GALNT11: variants seen among roughly 807,000 people sequenced by gnomAD.
The protein encoded by GALNT11 is UDP-GalNAc:polypeptide N-acetylgalactosaminyltransferase 11.
GALNT11 carries 47 observed loss-of-function variants against 72.7 expected under a neutral mutation model. The observed-to-expected ratio is 0.65, with a 90% CI of 0.51 to 0.82. The LOEUF (loss-of-function observed/expected upper bound fraction) is 0.82, where lower values mean the gene tolerates loss of function less well. GALNT11 is among the 40% of genes least tolerant of loss of function. The pLI is 0.00. For missense variants in GALNT11, 677 were observed against 778.4 expected, an observed-to-expected ratio of 0.87 and a Z score of 1.55; for synonymous variants, 270 against 286.6, an observed-to-expected ratio of 0.94 and a Z score of 0.58.
intron 9 of GALNT11, chr7:152,118,309 T>C (rs1194134621): frequency 4.2e-6 from 1 of 239,434 alleles, no homozygotes; most frequent in Non-Finnish European, 8.1e-6. Flanking sequence ...TTGCATTTCA[T>C]TGTGTACTTT....
intron 1 of GALNT11, among the ~76,000 whole-genome samples, chr7:152,034,217 G>T (rs1245082013): frequency 6.6e-6 from 1 of 152,118 alleles, no homozygotes; most frequent in Non-Finnish European, 1.5e-5. Flanking sequence ...TAATAGGAAG[G>T]GTAGCTATAG....
At chr7:152,119,555 T>C (rs2089229447) in intron 10 of GALNT11, 1 of 152,140 alleles carries the variant, frequency 6.6e-6, no homozygotes, top group Non-Finnish European at 1.5e-5. Flanking sequence ...TCTCAGGTGA[T>C]ACGTGTGTTG....
At chr7:152,079,783 G>A (rs2085208589) in intron 1 of GALNT11, among the ~76,000 whole-genome samples, 1 of 152,098 alleles carries the variant, frequency 6.6e-6, no homozygotes, top group African/African-American at 2.4e-5. Context: ...ATTTCACAGG[G>A]GTATGTGGGT....
At chr7:152,047,850 G>A (rs1320077120) in intron 1 of GALNT11, among the ~76,000 whole-genome samples, 1 of 150,760 alleles carries the variant, frequency 6.6e-6, no homozygotes, top group Admixed American at 6.6e-5. Flanking sequence ...ATATCTTATT[G>A]TATTGTCTAT....
At chr7:152,079,421 T>TG (rs1303741950) in intron 1 of GALNT11, 9 of 152,240 alleles carry the variant, frequency 5.9e-5, no homozygotes, top group African/African-American at 1.7e-4. Context: ...ATTTGCCATG[T>TG]TGTTTGTCCT....
intron 1 of GALNT11, among the ~76,000 whole-genome samples, chr7:152,039,963 T>C (rs2082772409): frequency 6.6e-6 from 1 of 152,146 alleles, no homozygotes; most frequent in South Asian, 2.1e-4. Flanking sequence ...TTCAATTGTA[T>C]GCGGGCTGTC....
intron 1 of GALNT11, among the ~76,000 whole-genome samples, chr7:152,087,691 A>G (rs1352769703): frequency 6.6e-6 from 1 of 152,256 alleles, no homozygotes; most frequent in East Asian, 1.9e-4. Flanking sequence ...AAGGGAAAAC[A>G]TTAAACAAGA....
rs912108361 is a variant in GALNT11, at chr7:152,055,567, GTATA to G, written c.-39+29688_-39+29691del. Among the ~76,000 whole-genome samples, 14 of 120,418 alleles carry G rather than the reference GTATA, an allele frequency of 1.2e-4. No homozygotes were observed. The East Asian group carries it at 1.3e-3, about 11-fold the overall frequency. The allele number at this position is 120,418 out of a possible 152,430, so 79.0% of individuals were successfully genotyped here. On this transcript the variant is annotated intron_variant, in intron 1 of 11. Transcript: ENST00000430044. Reference sequence around the variant, plus strand: ...TGTGTGTGTGTGTGTGTGTGTGTGTGTATATATACATATATATATATACACACAA... The same window carrying G: ...TGTGTGTGTGTGTGTGTGTGTGTGTGTATACATATATATATATACACACAA...
intron 10 of GALNT11, chr7:152,120,572 GAA>G (rs1453524378): frequency 7.7e-6 from 3 of 388,316 alleles, no homozygotes; most frequent in Admixed American, 8.5e-5. Flanking sequence ...CCTAAAATTG[GAA>G]AAGAGTTAAT....
intron 1 of GALNT11, among the ~76,000 whole-genome samples, chr7:152,030,143 G>C (rs1563036698): frequency 1.3e-5 from 2 of 152,214 alleles, no homozygotes; most frequent in East Asian, 1.9e-4. Flanking sequence ...TAAAAGAAAA[G>C]ACAAGAGGTA....
chr7:152,037,345 C>T (rs2082630003), intron 1 of GALNT11, among the ~76,000 whole-genome samples: 1 of 152,180 alleles, frequency 6.6e-6, no homozygotes, highest in Non-Finnish European at 1.5e-5. Flanking sequence ...ATGTTCTTGG[C>T]ACTTCTGTCA....
At chr7:152,029,009 A>C (rs1263409829) in intron 1 of GALNT11, among the ~76,000 whole-genome samples, 1 of 152,202 alleles carries the variant, frequency 6.6e-6, no homozygotes, top group African/African-American at 2.4e-5. Context: ...GAAAGGGGAG[A>C]AGCCATGTTG....
intron 1 of GALNT11, among the ~76,000 whole-genome samples, chr7:152,052,296 A>C (rs2083443095): frequency 6.6e-6 from 1 of 152,096 alleles, no homozygotes; most frequent in African/African-American, 2.4e-5. Flanking sequence ...GCTATTGGGA[A>C]TACTGTTGCT....
intron 8 of GALNT11, among the ~76,000 whole-genome samples, chr7:152,113,712 CTTTTTTTTTTTTTTTTTTTTTTTTTTTT>C (rs6150397): frequency 8.1e-4 from 79 of 97,020 alleles, no homozygotes; most frequent in East Asian, 1.7e-3. Context: ...AGTTGGCTTT[CTTTTTTTTTTTTTTTTTTTTTTTTTTTT>C]TTTTTTTTTT....
intron 1 of GALNT11, among the ~76,000 whole-genome samples, chr7:152,058,635 C>G (rs576042366): frequency 1.1e-3 from 173 of 152,224 alleles, no homozygotes; most frequent in African/African-American, 3.6e-3. Context: ...TGTGCCTGGC[C>G]AAGTTCTTAA....
In GALNT11 at chr7:152,108,079, G is replaced by GT; in HGVS notation, c.755dup (p.Met253AspfsTer12). The stretch of plus-strand genomic sequence containing the variant: ...CCTGGACAGCCACTGTGAAGTGAAT[G>GT]TGATGTGGCTGCAGCCCTTGCTGGC... On this transcript the variant is annotated frameshift_variant, in exon 6 of 12. Transcript: ENST00000430044. LOFTEE classifies it high-confidence loss of function. 6.2e-7 allele frequency: 1 copy of GT among 1,613,652 alleles called. No homozygotes were observed. The highest frequency in any genetic ancestry group is 8.5e-7 in the Non-Finnish European group (1 of 1,179,614).
chr7:152,055,523 GT>G, intron 1 of GALNT11, among the ~76,000 whole-genome samples: 1 of 2,610 alleles, frequency 3.8e-4, no homozygotes, highest in African/African-American at 4.2e-3. Flanking sequence ...TATAAAGCGT[GT>G]GTGTGTGTGT....
chr7:152,087,569 A>G (rs2085729338), intron 1 of GALNT11, among the ~76,000 whole-genome samples: 1 of 152,228 alleles, frequency 6.6e-6, no homozygotes, highest in Non-Finnish European at 1.5e-5. Context: ...CATTGATATT[A>G]TATGTTAAGT....
chr7:152,093,222 C>CT (rs554434102), intron 1 of GALNT11, among the ~76,000 whole-genome samples: 127 of 145,356 alleles, frequency 8.7e-4, no homozygotes, highest in African/African-American at 2.9e-3. Context: ...GAGTGAGACT[C>CT]TGTCTTAAAA....
Sources: gnomAD v4.1 joint callset for allele counts (sites outside exome capture counted in the v4.1 genomes callset) on GRCh38, gnomAD v4.1.1 for gene constraint, MANE v1.5 for transcripts, NCBI Gene and HGNC (gene_info 2026-07-23, HGNC 2026-07-21) for gene names.